Variants in CKS2 observed in about 807,000 individuals in gnomAD.
The protein encoded by CKS2 is cyclin-dependent kinases regulatory subunit 2.
In CKS2, 4 loss-of-function variants were observed where a neutral mutation model predicts 14.3. The ratio of observed to expected loss-of-function variants is 0.28; its 90% CI spans 0.14 to 0.64. The LOEUF (loss-of-function observed/expected upper bound fraction) is 0.64, where lower values mean the gene tolerates loss of function less well. CKS2 is among the 30% of genes least tolerant of loss of function. CKS2 has a pLI of 0.83. For synonymous variants in CKS2, 33 were observed against 28.7 expected, an observed-to-expected ratio of 1.15 and a Z score of -0.48; for missense variants, 71 against 94.3, an observed-to-expected ratio of 0.75 and a Z score of 1.02.
At position 89,315,312 on chromosome 9, in the gene CKS2, G is replaced by A. The variant is rs778344369; in HGVS notation, c.187+15G>A. ...TCATGAGCCAGGTAAGCTATGCTAT[G>A]TTATAGTAAAGCAGTAATTGTTGAA... On this transcript the variant is annotated intron_variant, in intron 2 of 2. Transcript: ENST00000314355. The A allele has an allele frequency of 1.3e-6, 2 of 1,546,078 alleles. No individual in the cohort carries two copies. The highest frequency in any genetic ancestry group is 1.4e-5 in the African/African-American group (1 of 72,034).
At chr9:89,313,071 G>A (rs1824648864) in intron 1 of CKS2, among the ~76,000 whole-genome samples, 1 of 152,168 alleles carries the variant, frequency 6.6e-6, no homozygotes. Flanking sequence ...AAAAATTAGA[G>A]CTGGTATTAA....
intron 1 of CKS2, among the ~76,000 whole-genome samples, chr9:89,313,344 C>T (rs1172772677): frequency 6.6e-6 from 1 of 152,186 alleles, no homozygotes; most frequent in Non-Finnish European, 1.5e-5. Context: ...TTTCTAAGGG[C>T]ATAACAGTGG....
In CKS2 at chr9:89,311,301, C is replaced by G. The variant is rs570613124; in HGVS notation, c.9C>G (p.His3Gln). The G allele has an allele frequency of 5.0e-6, 8 of 1,611,550 alleles. No homozygotes were observed. The East Asian group carries it at 6.8e-5, about 14-fold the overall frequency. The part of the protein sequence containing the change: MA[H>Q]KQIYYSDKYF... ...TGCAGCGCGCCAGCAGGATGGCCCA[C>G]AAGCAGATCTACTACTCGGACAAGT... is the stretch of plus-strand genomic sequence containing the variant. The change falls in exon 1 of 3, where the codon CAC (histidine) becomes CAG (glutamine). Residue 3 changes from histidine to glutamine, a missense_variant. Transcript: ENST00000314355.
At position 89,311,195 on chromosome 9, in the gene CKS2, G is replaced by C; in HGVS notation, c.-98G>C. 1 of 949,678 alleles carries C rather than the reference G, an allele frequency of 1.1e-6. No individual in the cohort carries two copies. The highest frequency in any genetic ancestry group is 1.6e-6 in the Non-Finnish European group (1 of 607,368). The allele number at this position is 949,678 out of a possible 1,614,324, so 58.8% of individuals were successfully genotyped here. ...AATCCGGATCGTTGGGACTGCGGTC[G>C]TTAGTCTCCGGCGAGTTGTTGCCTG... On this transcript the variant is annotated 5_prime_UTR_variant, in exon 1 of 3. Coordinates refer to ENST00000314355, the MANE Select transcript of CKS2 (RefSeq NM_001827.3).
At position 89,311,287 on chromosome 9, in the gene CKS2, A is replaced by T; in HGVS notation, c.-6A>T. ...CTCGTTTCATTTTCTGCAGCGCGCC[A>T]GCAGGATGGCCCACAAGCAGATCTA... On this transcript the variant is annotated 5_prime_UTR_variant, in exon 1 of 3. Transcript: ENST00000314355. 1 of 1,610,766 alleles carries T rather than the reference A, an allele frequency of 6.2e-7. No individual in the cohort carries two copies. Among genetic ancestry groups the T allele is most frequent in the Non-Finnish European group, 8.5e-7 (1 of 1,178,506 alleles).
intron 1 of CKS2, chr9:89,312,385 G>A (rs916474143): frequency 1.9e-5 from 3 of 154,352 alleles, no homozygotes; most frequent in Non-Finnish European, 4.4e-5. Flanking sequence ...ACTAGGTAGC[G>A]ACTAGAACGC....
Position 89,312,508 on chromosome 9 carries a change from C to T in CKS2, c.59+1157C>T, listed in dbSNP as rs1198659359. On this transcript the variant is annotated intron_variant, in intron 1 of 2. Coordinates refer to ENST00000314355, the MANE Select transcript of CKS2 (RefSeq NM_001827.3). ...TTTGTAGGTTAGATTTCTCCGAATG[C>T]TATTTAAGGAAGAAAGAACAAAACA... Among the ~76,000 whole-genome samples, 3 of 152,140 alleles carry T rather than the reference C, an allele frequency of 2.0e-5. No homozygotes were observed. The East Asian group carries it at 5.8e-4, about 29-fold the overall frequency.
chr9:89,314,090 C>T (rs1014153764), intron 1 of CKS2, among the ~76,000 whole-genome samples: 2 of 152,204 alleles, frequency 1.3e-5, no homozygotes, highest in Admixed American at 6.5e-5. Context: ...AGCCAGCTGA[C>T]TCACAGACAG....
At chr9:89,311,729 G>A (rs1416493079) in intron 1 of CKS2, among the ~76,000 whole-genome samples, 1 of 152,232 alleles carries the variant, frequency 6.6e-6, no homozygotes, top group Non-Finnish European at 1.5e-5. Flanking sequence ...AGGCCGTTCA[G>A]TAGCTGGTCT....
intron 1 of CKS2, 115 bp downstream of exon 1, chr9:89,311,466 G>A: frequency 1.5e-6 from 1 of 685,438 alleles, no homozygotes; most frequent in South Asian, 2.4e-5. Flanking sequence ...GGCGGAGCCC[G>A]GGGCCGGAGG....
chr9:89,316,259 C>T, intron 2 of CKS2, 114 bp from the exon 3 acceptor site: 1 of 693,722 alleles, frequency 1.4e-6, no homozygotes, highest in Admixed American at 2.6e-5. Flanking sequence ...TACCTCAAAC[C>T]AATTAATAGT....
At chr9:89,311,967 C>T (rs1467862086) in intron 1 of CKS2, among the ~76,000 whole-genome samples, 1 of 151,788 alleles carries the variant, frequency 6.6e-6, no homozygotes, top group Non-Finnish European at 1.5e-5. Context: ...GGCGACCCCC[C>T]GAAAAATGAG....
chr9:89,313,930 AT>A (rs1320447530), intron 1 of CKS2, among the ~76,000 whole-genome samples: 4 of 152,184 alleles, frequency 2.6e-5, no homozygotes, highest in Non-Finnish European at 5.9e-5. Flanking sequence ...ACACAGTAGA[AT>A]TTTTCTGAGG....
intron 1 of CKS2, among the ~76,000 whole-genome samples, chr9:89,314,545 A>T (rs3211678): frequency 1.3e-5 from 2 of 152,226 alleles, no homozygotes; most frequent in African/African-American, 4.8e-5. Context: ...TGGAGCATAC[A>T]AGGACTAGTA....
chr9:89,314,314 C>T (rs1308343748), intron 1 of CKS2, among the ~76,000 whole-genome samples: 2 of 152,054 alleles, frequency 1.3e-5, no homozygotes, highest in African/African-American at 4.8e-5. Context: ...GTTAATGATA[C>T]AGATTTGTTT....
intron 1 of CKS2, chr9:89,312,429 A>C (rs1174511988): frequency 1.3e-5 from 2 of 154,234 alleles, no homozygotes; most frequent in Admixed American, 6.5e-5. Flanking sequence ...TTTAGGGGAG[A>C]TAAAGCCCAT....
At position 89,316,353 on chromosome 9, in the gene CKS2, A is replaced by G; in HGVS notation, c.188-20A>G. 2 of 1,513,162 alleles carry G rather than the reference A, an allele frequency of 1.3e-6. No homozygotes were observed. The highest frequency in any genetic ancestry group is 1.7e-4 in the Middle Eastern group (1 of 5,760). The allele number at this position is 1,513,162 out of a possible 1,614,324, so 93.7% of individuals were successfully genotyped here. Reference sequence around the variant, plus strand: ...TATGAAAATCATATTAAAATGATTCAAAACATTTTCTTTCCACAGAACCAC... The same window carrying G: ...TATGAAAATCATATTAAAATGATTCGAAACATTTTCTTTCCACAGAACCAC... On this transcript the variant is annotated intron_variant, in intron 2 of 2. Coordinates refer to ENST00000314355, the MANE Select transcript of CKS2 (RefSeq NM_001827.3).
rs774800361 is a variant in CKS2 at position 89,311,251 on chromosome 9, C to G, written c.-42C>G. The G allele has an allele frequency of 1.3e-6, 2 of 1,580,794 alleles. No homozygotes were observed. Among genetic ancestry groups the G allele is most frequent in the Non-Finnish European group, 8.7e-7 (1 of 1,153,560 alleles). ...GACGTGGTTTTGTCTGCTGCGCCCG[C>G]TCTTCGCGCTCTCGTTTCATTTTCT... On this transcript the variant is annotated 5_prime_UTR_variant, in exon 1 of 3. Transcript: ENST00000314355.
chr9:89,312,192 G>GA, intron 1 of CKS2: 1 of 154,810 alleles, frequency 6.5e-6, no homozygotes, highest in Admixed American at 6.5e-5. Flanking sequence ...CACCGTACTA[G>GA]AACATGGTGG....
Sources: allele counts gnomAD v4.1 joint callset (sites outside exome capture counted in the v4.1 genomes callset), GRCh38; gene constraint gnomAD v4.1.1; transcripts MANE v1.5; gene names NCBI Gene and HGNC (gene_info 2026-07-23, HGNC 2026-07-21).